SLCO1C1: variants seen among roughly 807,000 people sequenced by gnomAD.
The protein encoded by SLCO1C1 is OAT-RP-5.
Under a neutral mutation model 76.4 loss-of-function variants are expected in SLCO1C1, and 70 were observed. That is an observed-to-expected ratio of 0.92 (90% confidence interval 0.76 to 1.12). SLCO1C1 has a LOEUF of 1.12. SLCO1C1 is among the 50% of genes most tolerant of loss of function. The probability of loss-of-function intolerance (pLI) is 0.00; values close to 1 mark genes in which losing one functional copy is unlikely to be tolerated. For synonymous variants in SLCO1C1, 306 were observed against 286.1 expected, an observed-to-expected ratio of 1.07 and a Z score of -0.70; for missense variants, 912 against 823.8, an observed-to-expected ratio of 1.11 and a Z score of -1.31.
intron 8 of SLCO1C1, among the ~76,000 whole-genome samples, chr12:20,722,590 G>A (rs1246989723): frequency 6.6e-6 from 1 of 152,032 alleles, no homozygotes; most frequent in African/African-American, 2.4e-5. Flanking sequence ...ATGTCTAATT[G>A]GTAGGCTACA....
intron 7 of SLCO1C1, among the ~76,000 whole-genome samples, chr12:20,720,105 GAAC>G (rs1427108979): frequency 6.6e-6 from 1 of 152,110 alleles, no homozygotes; most frequent in Non-Finnish European, 1.5e-5. Flanking sequence ...TCTCTAACTA[GAAC>G]AATAGAGATA....
chr12:20,744,372 A>G (rs1948947747), intron 13 of SLCO1C1, among the ~76,000 whole-genome samples: 1 of 152,158 alleles, frequency 6.6e-6, no homozygotes, highest in African/African-American at 2.4e-5. Flanking sequence ...TGAAATTGGC[A>G]AAAGTATCAT....
At position 20,708,962 on chromosome 12, in the gene SLCO1C1, C is replaced by T. The variant is rs150174934; in HGVS notation, c.405-2424C>T. Among the ~76,000 whole-genome samples, 851 of 152,120 alleles carry T rather than the reference C, an allele frequency of 5.6e-3. 7 individuals carry two copies. The highest frequency in any genetic ancestry group is 0.019 in the African/African-American group (786 of 41,502). Reference sequence around the variant, plus strand: ...TTTAGTTTGTCCTCTGAATGAGATGCGAAGTTTTTAGAAAGCTTTAAGCAG... The same window carrying T: ...TTTAGTTTGTCCTCTGAATGAGATGTGAAGTTTTTAGAAAGCTTTAAGCAG... On this transcript the variant is annotated intron_variant, in intron 4 of 14. Coordinates refer to ENST00000266509, the MANE Select transcript of SLCO1C1 (RefSeq NM_017435.5).
chr12:20,697,383 A>G (rs1343486164), intron 1 of SLCO1C1: 2 of 152,090 alleles, frequency 1.3e-5, no homozygotes, highest in African/African-American at 2.4e-5. Context: ...TGGTTTGTAT[A>G]TCTCTTGCTT....
chr12:20,701,653 T>A (rs1331612337), intron 3 of SLCO1C1, among the ~76,000 whole-genome samples, 194 bp downstream of exon 3: 1 of 148,708 alleles, frequency 6.7e-6, no homozygotes, highest in Non-Finnish European at 1.5e-5. Flanking sequence ...CAACAGTAAA[T>A]TTTTCTCCCC....
chr12:20,724,921 C>T (rs1947888096), intron 9 of SLCO1C1, among the ~76,000 whole-genome samples: 1 of 142,406 alleles, frequency 7.0e-6, no homozygotes, highest in South Asian at 2.2e-4. Context: ...TTTATAATAG[C>T]ATTATAAATC....
At chr12:20,748,728 T>A (rs2120930667) in intron 13 of SLCO1C1, among the ~76,000 whole-genome samples, 1 of 152,282 alleles carries the variant, frequency 6.6e-6, no homozygotes, top group Admixed American at 6.5e-5. Flanking sequence ...GCAAAGCCAG[T>A]TGTTTTGTAA....
At position 20,715,148 on chromosome 12, in the gene SLCO1C1, T is replaced by G. The variant is rs1947304011; in HGVS notation, c.539T>G (p.Val180Gly). Reference protein sequence around the residue: ...SKSKISNECEVDTSSSMWIYV... With the variant: ...SKSKISNECEGDTSSSMWIYV... ...TTGCCTTTCTTTCAAGAATGTGAAG[T>G]GGACACTAGCTCTTCCATGTGGATT... Residue 180 changes from valine (V) to glycine (G), a missense_variant, in exon 6 of 15, where the codon GTG becomes GGG. By Grantham distance (109) the Val-to-Gly change is moderately radical. Transcript: ENST00000266509. The G allele has an allele frequency of 6.2e-7, 1 of 1,614,006 alleles. No homozygotes were observed. Among genetic ancestry groups the G allele is most frequent in the Non-Finnish European group, 8.5e-7 (1 of 1,179,916 alleles).
rs776549642 is a variant in SLCO1C1 at position 20,752,493 on chromosome 12, C to G, written c.2104C>G (p.Pro702Ala). ...NYTTSDHLLQ[P>A]NYWPGKETQL ...CACTACAAGTGATCATCTGCTACAACCCAACTACTGGCCAGGCAAGGAAAC... is the reference window on the plus strand; with the variant it reads ...CACTACAAGTGATCATCTGCTACAAGCCAACTACTGGCCAGGCAAGGAAAC... The change falls in exon 15 of 15, where the codon CCC becomes GCC. Residue 702 changes from proline to alanine, a missense_variant. Pro to Ala is a conservative substitution (Grantham distance 27). Transcript: ENST00000266509. 4 of 1,603,626 alleles carry G rather than the reference C, an allele frequency of 2.5e-6. No homozygotes were observed. Among genetic ancestry groups the G allele is most frequent in the Admixed American group, 3.4e-5 (2 of 59,412 alleles).
intron 6 of SLCO1C1, among the ~76,000 whole-genome samples, chr12:20,715,623 TTTTAG>T (rs1282527906): frequency 6.6e-6 from 1 of 152,204 alleles, no homozygotes; most frequent in Non-Finnish European, 1.5e-5. Flanking sequence ...CACTTAGGCA[TTTTAG>T]TTTATTTAAA....
chr12:20,720,726 G>A (rs886583252), intron 7 of SLCO1C1, among the ~76,000 whole-genome samples: 4 of 152,148 alleles, frequency 2.6e-5, no homozygotes, highest in African/African-American at 7.2e-5. Flanking sequence ...GGCTGGGCGC[G>A]GTGGCTCATG....
At chr12:20,698,856 A>T (rs1946387341) in intron 1 of SLCO1C1, among the ~76,000 whole-genome samples, 1 of 152,072 alleles carries the variant, frequency 6.6e-6, no homozygotes, top group African/African-American at 2.4e-5. Flanking sequence ...CAGGGAGAAA[A>T]TAGGTTCAGT....
intron 12 of SLCO1C1, among the ~76,000 whole-genome samples, chr12:20,740,781 T>TTTTA (rs1185649774): frequency 1.2e-4 from 2 of 16,824 alleles, no homozygotes; most frequent in African/African-American, 2.5e-4. Flanking sequence ...TTAGAATTTA[T>TTTTA]TTTATTTATA....
intron 3 of SLCO1C1, among the ~76,000 whole-genome samples, chr12:20,704,489 G>A (rs1946683087): frequency 6.6e-6 from 1 of 151,732 alleles, no homozygotes; most frequent in Non-Finnish European, 1.5e-5. Context: ...GATACACAAT[G>A]TCTTCTACTA....
chr12:20,710,909 C>T (rs917107421), intron 4 of SLCO1C1, among the ~76,000 whole-genome samples: 2 of 152,014 alleles, frequency 1.3e-5, no homozygotes, highest in Admixed American at 1.3e-4. Flanking sequence ...TAAGATGAGC[C>T]TCTATGGGTA....
In SLCO1C1 at chr12:20,723,209, G is replaced by T. The variant is rs558027920; in HGVS notation, c.1141G>T (p.Glu381Ter). ...GGTGACGTACAAACCAAAGTACATT[G>T]AGCAGCAGTATGGACAGTCATCCTC... is the stretch of plus-strand genomic sequence containing the variant. Reference protein sequence around the residue: ...GMVTYKPKYIEQQYGQSSSRA... With the variant: ...GMVTYKPKYI The change falls in exon 9 of 15, where the codon GAG becomes TAG. Residue 381 changes from glutamate to a stop codon, truncating the protein, a stop_gained. Coordinates refer to ENST00000266509, the MANE Select transcript of SLCO1C1 (RefSeq NM_017435.5). LOFTEE classifies it high-confidence loss of function. 1.9e-6 allele frequency: 3 copies of T among 1,614,030 alleles called. No individual in the cohort carries two copies. The African/African-American group carries it at 4.0e-5, about 22-fold the overall frequency.
chr12:20,753,207 T>G lies in SLCO1C1; in HGVS notation c.*679T>G, dbSNP rs1199675739. On this transcript the variant is annotated 3_prime_UTR_variant, in exon 15 of 15. Transcript: ENST00000266509. ...GGTTGTAAAGTAATAAAATTGATGT[T>G]AACATGCCCAATTATTGTTCTTTTA... The G allele has an allele frequency of 6.6e-6, 1 of 152,224 alleles. No homozygotes were observed. Among genetic ancestry groups the G allele is most frequent in the Non-Finnish European group, 1.5e-5 (1 of 68,028 alleles). The allele number at this position is 152,224 out of a possible 1,614,324, so 9.4% of individuals were successfully genotyped here.
intron 4 of SLCO1C1, among the ~76,000 whole-genome samples, chr12:20,709,652 C>T (rs1946965714): frequency 1.3e-4 from 2 of 15,698 alleles, no homozygotes; most frequent in South Asian, 2.3e-3. Context: ...GAGGCCGAGG[C>T]GGGTGGATCA....
chr12:20,710,431 AGAT>A (rs1318801777), intron 4 of SLCO1C1, among the ~76,000 whole-genome samples: 3 of 151,948 alleles, frequency 2.0e-5, no homozygotes, highest in African/African-American at 7.3e-5. Context: ...ATGAGAATCA[AGAT>A]GATATTGAGA....
Sources: gnomAD v4.1 joint callset for allele counts (sites outside exome capture counted in the v4.1 genomes callset) on GRCh38, gnomAD v4.1.1 for gene constraint, MANE v1.5 for transcripts, NCBI Gene and HGNC (gene_info 2026-07-23, HGNC 2026-07-21) for gene names.